Variants in COA1 observed in about 807,000 individuals in gnomAD.
The protein encoded by COA1 is cytochrome c oxidase assembly factor 1 homolog.
In COA1, 13 loss-of-function variants were observed where a neutral mutation model predicts 16.0. That is an observed-to-expected ratio of 0.81 (90% CI 0.53 to 1.29). COA1 has a LOEUF of 1.29. COA1 is among the 50% of genes most tolerant of loss of function. The pLI, the probability that COA1 is intolerant of heterozygous loss-of-function variation, is 0.00. For synonymous variants in COA1, 65 were observed against 65.7 expected (o/e 0.99, Z 0.05); for missense variants, 179 against 177.0 (o/e 1.01, Z -0.06).
At chr7:43,670,637 T>C (rs935053124) in intron 1 of COA1, among the ~76,000 whole-genome samples, 13 of 152,152 alleles carry the variant, frequency 8.5e-5, no homozygotes, top group African/African-American at 2.4e-4. Flanking sequence ...ATATTAACTA[T>C]AGACATGGCA....
At chr7:43,662,750 T>C (rs980724720) in intron 1 of COA1, among the ~76,000 whole-genome samples, 1 of 152,170 alleles carries the variant, frequency 6.6e-6, no homozygotes, top group Non-Finnish European at 1.5e-5. Context: ...CAGTTCTCAG[T>C]TTTAATTTCT....
rs538011534 is a variant in COA1, at chr7:43,727,798, A to G, written c.-39+1631T>C. Among the ~76,000 whole-genome samples, 143 of 152,346 alleles carry G rather than the reference A, an allele frequency of 9.4e-4. 2 individuals are homozygous for G. The highest frequency in any genetic ancestry group is 3.3e-3 in the African/African-American group (136 of 41,578). ...TCAATTGTTCCAATATGGCTCTCAC[A>G]AACTGAATGCAGCATATTAAACATG... On this transcript the variant is annotated intron_variant, in intron 1 of 5. Transcript: ENST00000223336.
rs545973726 is a variant in COA1, at chr7:43,661,268, T to A, written c.-38-12616A>T. ...CATATCTAACACATAGAATAGGAGA[T>A]CAATGTTTGTGGCATCAATCTAACA... On this transcript the variant is annotated intron_variant, in intron 1 of 5. Coordinates refer to ENST00000223336, the MANE Select transcript of COA1 (RefSeq NM_018224.4). 5.3e-5 allele frequency among the ~76,000 whole-genome samples: 8 copies of A among 152,306 alleles called. No individual in the cohort carries two copies. In the South Asian group the frequency reaches 1.4e-3, roughly 28 times the overall value.
chr7:43,617,956 G>A (rs2083495494), intron 6 of COA1, among the ~76,000 whole-genome samples: 1 of 151,874 alleles, frequency 6.6e-6, no homozygotes, highest in African/African-American at 2.4e-5. Context: ...AGGAAGGAGT[G>A]GTTAACTTTG....
At chr7:43,681,834 T>TA (rs2093782488) in intron 1 of COA1, among the ~76,000 whole-genome samples, 1 of 152,138 alleles carries the variant, frequency 6.6e-6, no homozygotes, top group Non-Finnish European at 1.5e-5. Context: ...TAACAGAAAA[T>TA]AAATGATAAC....
At chr7:43,641,285 T>C (rs2086998435) in intron 4 of COA1, among the ~76,000 whole-genome samples, 1 of 148,334 alleles carries the variant, frequency 6.7e-6, no homozygotes, top group South Asian at 2.2e-4. Flanking sequence ...ACGCTTGGAT[T>C]TGTGCCTTTC....
intron 1 of COA1, among the ~76,000 whole-genome samples, chr7:43,710,375 A>AAAAAAAATATATAT (rs761592421): frequency 5.5e-5 from 2 of 36,450 alleles, no homozygotes; most frequent in Non-Finnish European, 9.4e-5. Flanking sequence ...AAAAAAAAAA[A>AAAAAAAATATATAT]ATATATATAT....
intron 6 of COA1, among the ~76,000 whole-genome samples, chr7:43,614,002 G>A (rs2083112235): frequency 6.6e-6 from 1 of 152,150 alleles, no homozygotes; most frequent in Non-Finnish European, 1.5e-5. Context: ...AATTAATTTA[G>A]ATGGGATTAT....
chr7:43,659,443 T>C (rs1448007640), intron 1 of COA1, among the ~76,000 whole-genome samples: 1 of 152,182 alleles, frequency 6.6e-6, no homozygotes, highest in Non-Finnish European at 1.5e-5. Flanking sequence ...CATTCTCTTG[T>C]AGATTTTAAA....
At position 43,640,628 on chromosome 7, in the gene COA1, A is replaced by G; in HGVS notation, c.286T>C (p.Ser96Pro). Residue 96 changes from serine (S) to proline (P), a missense_variant, in exon 5 of 6, where the codon TCC becomes CCC. Transcript: ENST00000223336. ...ACGTAGAGAAGGCCCTCTGATTTGG[A>G]TCCAGAGACAGGAATCTTCAACTGT... ...DAKLKIPVSG[S>P]KSEGLLYVHS... The G allele has an allele frequency of 6.2e-7, 1 of 1,606,766 alleles. No individual in the cohort carries two copies. Among genetic ancestry groups the G allele is most frequent in the Non-Finnish European group, 8.5e-7 (1 of 1,177,124 alleles).
intron 1 of COA1, among the ~76,000 whole-genome samples, chr7:43,678,053 T>G (rs987559754): frequency 1.3e-5 from 2 of 152,202 alleles, no homozygotes; most frequent in African/African-American, 4.8e-5. Context: ...GTAGCACATG[T>G]GTTCTCATCA....
intron 3 of COA1, 154 bp downstream of exon 3, chr7:43,647,381 G>C (rs570704472): frequency 1.5e-6 from 1 of 649,122 alleles, no homozygotes; most frequent in African/African-American, 1.8e-5. Flanking sequence ...GGATACAGAG[G>C]AAGCTATAGC....
At chr7:43,715,495 G>A (rs563789178) in intron 1 of COA1, among the ~76,000 whole-genome samples, 233 of 151,352 alleles carry the variant, frequency 1.5e-3, no homozygotes, top group African/African-American at 5.4e-3. Flanking sequence ...AAAAAAAAGA[G>A]TATGTTGCTT....
intron 1 of COA1, among the ~76,000 whole-genome samples, chr7:43,706,606 C>A (rs371707291): frequency 1.3e-5 from 2 of 151,982 alleles, no homozygotes; most frequent in Non-Finnish European, 2.9e-5. Context: ...CAGTGGCTCA[C>A]ACCTATAATC....
chr7:43,686,768 T>C (rs959040723), intron 1 of COA1, among the ~76,000 whole-genome samples: 5 of 152,224 alleles, frequency 3.3e-5, no homozygotes, highest in African/African-American at 7.2e-5. Context: ...GGCACAAAGC[T>C]GTCAATTCAG....
At chr7:43,720,698 A>C (rs1372777726) in intron 1 of COA1, among the ~76,000 whole-genome samples, 1 of 152,242 alleles carries the variant, frequency 6.6e-6, no homozygotes, top group African/African-American at 2.4e-5. Context: ...GAGAGGTCTT[A>C]AAGTGACCCT....
rs747435161 is a variant in COA1, at chr7:43,623,654, G to A, written c.*134-14159C>T. Reference sequence around the variant, plus strand: ...TATTAATGAAAAATTGATCAAATTAGTTTCAAGAAATGAGTATGGTACTAA... The same window carrying A: ...TATTAATGAAAAATTGATCAAATTAATTTCAAGAAATGAGTATGGTACTAA... On this transcript the variant is annotated intron_variant and NMD_transcript_variant, in intron 6 of 6. Transcript: ENST00000415076. 5.0e-6 allele frequency: 8 copies of A among 1,607,628 alleles called. 1 individual carries two copies. In the South Asian group the frequency reaches 9.0e-5, roughly 18 times the overall value.
intron 1 of COA1, among the ~76,000 whole-genome samples, chr7:43,662,236 CT>C: frequency 6.6e-6 from 1 of 152,186 alleles, no homozygotes; most frequent in South Asian, 2.1e-4. Flanking sequence ...TCATATATTT[CT>C]TTTTTATTTT....
chr7:43,621,355 G>A (rs2083866427), intron 6 of COA1, among the ~76,000 whole-genome samples: 1 of 152,222 alleles, frequency 6.6e-6, no homozygotes, highest in Non-Finnish European at 1.5e-5. Flanking sequence ...AAGTGTTTTA[G>A]CCAAATTTAA....
Sources: gnomAD v4.1 joint callset for allele counts (sites outside exome capture counted in the v4.1 genomes callset) on GRCh38, gnomAD v4.1.1 for gene constraint, MANE v1.5 for transcripts, NCBI Gene and HGNC (gene_info 2026-07-23, HGNC 2026-07-21) for gene names.